CRISP2: variants seen among roughly 807,000 people sequenced by gnomAD.
The protein encoded by CRISP2 is cysteine-rich secretory protein 2.
CRISP2 carries 29 observed loss-of-function variants against 31.7 expected under a neutral mutation model. The ratio of observed to expected loss-of-function variants is 0.92; its 90% CI spans 0.68 to 1.25. The LOEUF (loss-of-function observed/expected upper bound fraction) is 1.25. Among genes scored for constraint, CRISP2 ranks in the 50% most tolerant of loss-of-function variants. The pLI is 0.00. For missense variants in CRISP2, 318 were observed against 286.5 expected, an observed-to-expected ratio of 1.11 and a Z score of -0.79; for synonymous variants, 111 against 101.4, an observed-to-expected ratio of 1.09 and a Z score of -0.57.
chr6:49,688,329 A>G (rs573650511), downstream of CRISP2, among the ~76,000 whole-genome samples: 31 of 152,334 alleles, frequency 2.0e-4, no homozygotes, highest in Non-Finnish European at 3.8e-4. Context: ...TGTTAATACT[A>G]GAAGACTTTA....
chr6:49,704,984 T>C (rs1376834494), intron 4 of CRISP2, among the ~76,000 whole-genome samples: 1 of 152,020 alleles, frequency 6.6e-6, no homozygotes, highest in Non-Finnish European at 1.5e-5. Flanking sequence ...GTGTAAGCTG[T>C]GGTAGTATGG....
chr6:49,688,834 T>C (rs1449717651), downstream of CRISP2, among the ~76,000 whole-genome samples: 2 of 152,142 alleles, frequency 1.3e-5, no homozygotes, highest in African/African-American at 4.8e-5. Flanking sequence ...AAACACTAGC[T>C]GTACACCCTA....
At chr6:49,683,302 T>C in the CRISP2 span, among the ~76,000 whole-genome samples, 1 of 152,034 alleles carries the variant, frequency 6.6e-6, no homozygotes, top group Non-Finnish European at 1.5e-5. Flanking sequence ...TCTAAAGGGC[T>C]CCTTCATGTT....
the CRISP2 span, among the ~76,000 whole-genome samples, chr6:49,686,637 T>C: frequency 2.0e-5 from 3 of 152,212 alleles, no homozygotes; most frequent in African/African-American, 4.8e-5. Context: ...TTGTAGAAGT[T>C]GGTGTGGCGA....
At chr6:49,711,592 T>C (rs1325717091) in intron 2 of CRISP2, among the ~76,000 whole-genome samples, 1 of 152,222 alleles carries the variant, frequency 6.6e-6, no homozygotes, top group Admixed American at 6.5e-5. Flanking sequence ...ATAATCTGCA[T>C]GTGGCCTTTT....
chr6:49,699,070 G>C (rs1371763685), intron 6 of CRISP2, among the ~76,000 whole-genome samples: 1 of 152,070 alleles, frequency 6.6e-6, no homozygotes, highest in Non-Finnish European at 1.5e-5. Flanking sequence ...ATCCTTGTGA[G>C]TTTGTCAAGA....
downstream of CRISP2, among the ~76,000 whole-genome samples, chr6:49,689,926 A>G (rs1372315214): frequency 6.6e-6 from 1 of 152,130 alleles, no homozygotes; most frequent in Non-Finnish European, 1.5e-5. Flanking sequence ...GAAGACAAAA[A>G]TGAGTATATT....
downstream of CRISP2, among the ~76,000 whole-genome samples, chr6:49,689,835 G>A (rs1032968994): frequency 4.6e-5 from 7 of 152,004 alleles, no homozygotes; most frequent in Non-Finnish European, 1.0e-4. Context: ...ACAAAAAGGT[G>A]ATAAATTCAC....
chr6:49,690,828 T>C (rs568599960), downstream of CRISP2, among the ~76,000 whole-genome samples: 2 of 152,208 alleles, frequency 1.3e-5, no homozygotes, highest in South Asian at 4.1e-4. Flanking sequence ...AGCTTAGTGA[T>C]ACAAATTCAA....
At chr6:49,692,967 A>G (rs1409107100) in intron 9 of CRISP2, 67 bp from the exon 10 acceptor site, 3 of 1,557,666 alleles carry the variant, frequency 1.9e-6, no homozygotes, top group Non-Finnish European at 2.6e-6. Context: ...CATACATTCA[A>G]AGTGTGTGGG....
downstream of CRISP2, among the ~76,000 whole-genome samples, chr6:49,690,714 C>T (rs907145383): frequency 5.9e-5 from 9 of 151,774 alleles, no homozygotes; most frequent in Non-Finnish European, 1.3e-4. Flanking sequence ...TGGACATTTT[C>T]GTTGGTTAAA....
At chr6:49,689,639 C>A (rs1053139025), downstream of CRISP2, among the ~76,000 whole-genome samples, 1 of 151,956 alleles carries the variant, frequency 6.6e-6, no homozygotes, top group African/African-American at 2.4e-5. Context: ...TAAAAATTTA[C>A]TCCATAACTT....
the CRISP2 span, among the ~76,000 whole-genome samples, chr6:49,685,537 C>T: frequency 2.6e-5 from 4 of 152,140 alleles, no homozygotes; most frequent in Non-Finnish European, 5.9e-5. Flanking sequence ...ATGTTTAAAT[C>T]CCTTCTCTAA....
At chr6:49,693,316 TG>T (rs1764213223) in intron 9 of CRISP2, among the ~76,000 whole-genome samples, 1 of 152,220 alleles carries the variant, frequency 6.6e-6, no homozygotes, top group East Asian at 1.9e-4. Flanking sequence ...ATTAAAATTT[TG>T]GTTTCTTAAT....
intron 3 of CRISP2, 127 bp from the exon 4 acceptor site, chr6:49,709,332 G>T: frequency 1.3e-6 from 1 of 790,414 alleles, no homozygotes; most frequent in Non-Finnish European, 2.0e-6. Flanking sequence ...ATTAACAATG[G>T]AACAAAAGAA....
At chr6:49,693,010 C>A (rs73737231) in intron 9 of CRISP2, 110 bp from the exon 10 acceptor site, 3 of 1,057,388 alleles carry the variant, frequency 2.8e-6, no homozygotes, top group Non-Finnish European at 4.2e-6. Flanking sequence ...AAGTTAGCAT[C>A]GCTTACACTA....
At chr6:49,702,986 AT>A (rs1490629115) in intron 4 of CRISP2, among the ~76,000 whole-genome samples, 3 of 151,978 alleles carry the variant, frequency 2.0e-5, no homozygotes, top group Non-Finnish European at 2.9e-5. Flanking sequence ...TCTTGAGTTG[AT>A]TTTTGTATAA....
chr6:49,691,585 ATC>A (rs1169653310), downstream of CRISP2, among the ~76,000 whole-genome samples: 1 of 151,558 alleles, frequency 6.6e-6, no homozygotes, highest in Non-Finnish European at 1.5e-5. Flanking sequence ...ATAGCGATAG[ATC>A]TCTCTCTATA....
At chr6:49,685,821 T>G in the CRISP2 span, among the ~76,000 whole-genome samples, 3 of 152,204 alleles carry the variant, frequency 2.0e-5, no homozygotes, top group Non-Finnish European at 4.4e-5. Context: ...ATCCTGTTTT[T>G]GGGCTTTCCC....
Sources: gnomAD v4.1 joint callset for allele counts (sites outside exome capture counted in the v4.1 genomes callset) on GRCh38, gnomAD v4.1.1 for gene constraint, MANE v1.5 for transcripts, NCBI Gene and HGNC (gene_info 2026-07-23, HGNC 2026-07-21) for gene names.